The following UBE2G1 variants were observed in gnomAD, a reference collection of about 807,000 sequenced individuals.
UBE2G1 encodes the protein ubiquitin conjugating enzyme E2 G1, also known as ubiquitin-conjugating enzyme E2 G1.
A neutral mutation model predicts 22.7 loss-of-function variants in UBE2G1; 5 were observed. The observed-to-expected ratio is 0.22, with a 90% CI of 0.12 to 0.46. The LOEUF is 0.46. UBE2G1 is among the 20% of genes least tolerant of loss of function. The pLI, the probability that UBE2G1 is intolerant of heterozygous loss-of-function variation, is 0.99. For missense variants in UBE2G1, 88 were observed against 203.9 expected, an observed-to-expected ratio of 0.43 and a Z score of 3.46; for synonymous variants, 74 against 67.5, an observed-to-expected ratio of 1.10 and a Z score of -0.47.
intron 2 of UBE2G1, among the ~76,000 whole-genome samples, chr17:4,306,033 A>G (rs527349082): frequency 2.1e-4 from 32 of 152,326 alleles, no homozygotes; most frequent in Admixed American, 9.1e-4. Flanking sequence ...CATTGGTTTA[A>G]CAATTAATAG....
intron 5 of UBE2G1, among the ~76,000 whole-genome samples, chr17:4,272,732 T>C (rs1258988047): frequency 6.6e-6 from 1 of 152,220 alleles, no homozygotes; most frequent in East Asian, 1.9e-4. Context: ...TACAATTTAG[T>C]TCCTGAGTCA....
intron 1 of UBE2G1, among the ~76,000 whole-genome samples, chr17:4,333,697 T>G (rs1012041944): frequency 1.3e-5 from 2 of 152,014 alleles, no homozygotes; most frequent in African/African-American, 4.8e-5. Flanking sequence ...GGCACGCACC[T>G]GTAGTCCCAG....
intron 2 of UBE2G1, among the ~76,000 whole-genome samples, chr17:4,297,418 G>A (rs917708581): frequency 1.3e-5 from 2 of 152,130 alleles, no homozygotes; most frequent in Admixed American, 6.5e-5. Context: ...TGTAATGCTG[G>A]AGATGTTCTG....
chr17:4,360,455 T>C (rs1367836257), intron 1 of UBE2G1, among the ~76,000 whole-genome samples: 1 of 152,166 alleles, frequency 6.6e-6, no homozygotes, highest in Non-Finnish European at 1.5e-5. Flanking sequence ...CAATCAAACA[T>C]TCTTCACCTG....
At chr17:4,303,597 G>T (rs934062860) in intron 2 of UBE2G1, among the ~76,000 whole-genome samples, 5 of 152,148 alleles carry the variant, frequency 3.3e-5, no homozygotes, top group Admixed American at 1.3e-4. Flanking sequence ...GTGATAAACC[G>T]CATGGCATTA....
chr17:4,353,837 AGACAGAGTCTCACT>A, intron 1 of UBE2G1, among the ~76,000 whole-genome samples: 1 of 68,880 alleles, frequency 1.5e-5, no homozygotes, highest in Non-Finnish European at 2.6e-5. Context: ...TTTTTTTTTG[AGACAGAGTCTCACT>A]CAGTCACCCA....
At chr17:4,363,672 GC>G (rs1396376919) in intron 1 of UBE2G1, among the ~76,000 whole-genome samples, 18 of 152,032 alleles carry the variant, frequency 1.2e-4, no homozygotes, top group Admixed American at 1.1e-3. Flanking sequence ...ATTCAGAGAG[GC>G]CGGGCCCGGT....
chr17:4,293,789 C>T (rs1969071530), intron 3 of UBE2G1, among the ~76,000 whole-genome samples: 1 of 152,194 alleles, frequency 6.6e-6, no homozygotes, highest in Admixed American at 6.5e-5. Context: ...TAAACTCTTA[C>T]TTCTCCTTTA....
intron 2 of UBE2G1, among the ~76,000 whole-genome samples, chr17:4,300,895 C>T (rs1218117597): frequency 6.8e-6 from 1 of 146,930 alleles, no homozygotes; most frequent in Admixed American, 6.9e-5. Context: ...ACCCAGGCGG[C>T]GGAGGTTGCA....
intron 5 of UBE2G1, 44 bp from the exon 6 acceptor site, chr17:4,272,560 C>T (rs978368469): frequency 2.7e-5 from 5 of 186,596 alleles, no homozygotes; most frequent in South Asian, 1.4e-4. Flanking sequence ...TCATCAATTA[C>T]AAAAGAATTA....
chr17:4,347,454 C>A (rs1425502692), intron 1 of UBE2G1, among the ~76,000 whole-genome samples: 1 of 145,356 alleles, frequency 6.9e-6, no homozygotes, highest in Non-Finnish European at 1.5e-5. Context: ...TTCGGTAATT[C>A]TCACAGTATT....
intron 1 of UBE2G1, among the ~76,000 whole-genome samples, chr17:4,352,120 A>C (rs1969852685): frequency 1.3e-5 from 2 of 152,318 alleles, no homozygotes; most frequent in South Asian, 2.1e-4. Flanking sequence ...TCCTCAAAAA[A>C]AGTGACAAAA....
chr17:4,289,148 C>T, intron 4 of UBE2G1, 82 bp downstream of exon 4: 2 of 1,248,486 alleles, frequency 1.6e-6, no homozygotes, highest in Non-Finnish European at 2.1e-6. Flanking sequence ...TACATTCATG[C>T]ATACTTACAT....
At chr17:4,352,005 G>C (rs924880010) in intron 1 of UBE2G1, among the ~76,000 whole-genome samples, 16 of 152,180 alleles carry the variant, frequency 1.1e-4, no homozygotes, top group African/African-American at 3.4e-4. Flanking sequence ...AGTGGCTCAC[G>C]CCTGCAATCC....
At chr17:4,338,991 CTCAG>C (rs1451625514) in intron 1 of UBE2G1, among the ~76,000 whole-genome samples, 1 of 152,172 alleles carries the variant, frequency 6.6e-6, no homozygotes, top group Non-Finnish European at 1.5e-5. Flanking sequence ...GGGAGTAGTT[CTCAG>C]TCAGTCACAA....
intron 1 of UBE2G1, among the ~76,000 whole-genome samples, chr17:4,328,686 A>G (rs1193991298): frequency 6.6e-6 from 1 of 152,250 alleles, no homozygotes; most frequent in Non-Finnish European, 1.5e-5. Context: ...AAACTTATAA[A>G]AGAAACCTAA....
intron 1 of UBE2G1, among the ~76,000 whole-genome samples, chr17:4,317,900 A>G (rs1332680261): frequency 1.3e-5 from 2 of 152,196 alleles, no homozygotes; most frequent in African/African-American, 4.8e-5. Flanking sequence ...CCCTAACACT[A>G]GTTTATAGTG....
In UBE2G1 at chr17:4,293,671, T is replaced by C. The variant is rs185423265; in HGVS notation, c.247+3046A>G. On this transcript the variant is annotated intron_variant, in intron 3 of 5. Coordinates refer to ENST00000396981, the MANE Select transcript of UBE2G1 (RefSeq NM_003342.5). ...GAGTTCTAATTTCTCTACTTCCTCA[T>C]TGACATTTGTTATTATCTTTTTGAT... Among the ~76,000 whole-genome samples, 11 of 152,340 alleles carry C rather than the reference T, an allele frequency of 7.2e-5. No individual in the cohort carries two copies. In the East Asian group the frequency reaches 1.3e-3, roughly 19 times the overall value.
intron 1 of UBE2G1, among the ~76,000 whole-genome samples, chr17:4,321,731 C>G (rs754267516): frequency 2.0e-5 from 3 of 151,940 alleles, no homozygotes; most frequent in Non-Finnish European, 4.4e-5. Flanking sequence ...GAGCTCGCCC[C>G]CCAACCCTGC....
Sources: gnomAD v4.1 joint callset for allele counts (sites outside exome capture counted in the v4.1 genomes callset) on GRCh38, gnomAD v4.1.1 for gene constraint, MANE v1.5 for transcripts, NCBI Gene and HGNC (gene_info 2026-07-23, HGNC 2026-07-21) for gene names.